The following CYRIA variants were observed in gnomAD, a reference collection of about 807,000 sequenced individuals.
CYRIA encodes the protein CYFIP-related Rac1 interactor A.
A neutral mutation model predicts 43.9 loss-of-function variants in CYRIA; 15 were observed. That is an observed-to-expected ratio of 0.34 (90% confidence interval 0.23 to 0.53). CYRIA has a LOEUF of 0.53. Ranked by LOEUF, CYRIA falls within the 20% of genes least tolerant of loss-of-function variation. The pLI, the probability that CYRIA is intolerant of heterozygous loss-of-function variation, is 0.94. For synonymous variants in CYRIA, 117 were observed against 136.0 expected, an observed-to-expected ratio of 0.86 and a Z score of 0.97; for missense variants, 236 against 394.2, an observed-to-expected ratio of 0.60 and a Z score of 3.40.
rs112768383 is a variant in CYRIA at position 16,639,871 on chromosome 2, C to T, written c.-166-15852G>A. On this transcript the variant is annotated intron_variant, in intron 1 of 11. Transcript: ENST00000381323. ...AGGGAGGAGGGAGAAAAATTACTTT[C>T]GAATGGCTCTGCTGTTCTTTGCCTT... 1.7e-3 allele frequency among the ~76,000 whole-genome samples: 264 copies of T among 152,336 alleles called. 1 individual carries two copies. Among genetic ancestry groups the T allele is most frequent in the African/African-American group, 5.9e-3 (247 of 41,572 alleles).
intron 9 of CYRIA, 148 bp downstream of exon 9, chr2:16,560,842 C>T: frequency 1.4e-6 from 1 of 718,198 alleles, no homozygotes; most frequent in Non-Finnish European, 2.4e-6. Flanking sequence ...ACACCTACCA[C>T]TCAGAGTTCT....
chr2:16,654,729 T>G (rs577173930), intron 1 of CYRIA, among the ~76,000 whole-genome samples: 1 of 152,250 alleles, frequency 6.6e-6, no homozygotes, highest in Admixed American at 6.5e-5. Flanking sequence ...GATGAAAAAA[T>G]GTATACAAAA....
intron 2 of CYRIA, among the ~76,000 whole-genome samples, chr2:16,602,860 T>A (rs1333875866): frequency 3.9e-5 from 6 of 152,150 alleles, no homozygotes; most frequent in African/African-American, 1.2e-4. Context: ...TGCTCCCTAA[T>A]AAGGACACCC....
At position 16,561,472 on chromosome 2, in the gene CYRIA, C is replaced by A; in HGVS notation, c.497G>T (p.Arg166Leu). The A allele has an allele frequency of 6.2e-7, 1 of 1,613,710 alleles. No individual in the cohort carries two copies. Among genetic ancestry groups the A allele is most frequent in the Non-Finnish European group, 8.5e-7 (1 of 1,179,744 alleles). Residue 166 changes from arginine (R) to leucine (L), a missense_variant, in exon 7 of 12, where the codon CGC becomes CTC. Physicochemically the swap from Arg to Leu is moderately radical, Grantham distance 102. Coordinates refer to ENST00000381323, the MANE Select transcript of CYRIA (RefSeq NM_030797.4). The stretch of plus-strand genomic sequence containing the variant: ...GGGACTCACGTGCATGTTGTTGATG[C>A]GGTTGCGACTGATTGTTCTTCTGTA... ...SYYRRTISRN[R>L]INNMHLDIEN... is the part of the protein sequence containing the mutation.
At position 16,550,042 on chromosome 2, in the gene CYRIA, C is replaced by T. The variant is rs568738021; in HGVS notation, c.*2894G>A. ...TCTACTACTAATTCCTAGTGGTGCA[C>T]AACGAGTTTCTGAGAACACAGTAAT... On this transcript the variant is annotated 3_prime_UTR_variant, in exon 12 of 12. Coordinates refer to ENST00000381323, the MANE Select transcript of CYRIA (RefSeq NM_030797.4). The T allele has an allele frequency of 1.3e-5, 2 of 148,254 alleles. No homozygotes were observed. Among genetic ancestry groups the T allele is most frequent in the South Asian group, 4.3e-4 (2 of 4,682 alleles). 9.2% of individuals were successfully genotyped at this position (148,254 alleles called of 1,614,324 possible). A position where few individuals can be genotyped will look rare whatever the true frequency, so the allele number is the denominator to read the frequency against.
At chr2:16,654,969 C>T (rs552828638) in intron 1 of CYRIA, among the ~76,000 whole-genome samples, 1 of 152,310 alleles carries the variant, frequency 6.6e-6, no homozygotes, top group South Asian at 2.1e-4. Flanking sequence ...AATCTATTTC[C>T]TGAATCTGAG....
At chr2:16,575,854 T>A (rs1667323145) in intron 3 of CYRIA, among the ~76,000 whole-genome samples, 1 of 148,978 alleles carries the variant, frequency 6.7e-6, no homozygotes, top group Non-Finnish European at 1.5e-5. Context: ...AGACTCCATC[T>A]CAAAAAAATA....
chr2:16,565,635 C>G lies in CYRIA; in HGVS notation c.192+11G>C. ...TCGGGTGTTGTCAGTTCAGCGTGATCATTGACATACATCTCGGATCTCTGG... is the reference window on the plus strand; with the variant it reads ...TCGGGTGTTGTCAGTTCAGCGTGATGATTGACATACATCTCGGATCTCTGG... On this transcript the variant is annotated intron_variant, in intron 4 of 11. Transcript: ENST00000381323. The G allele has an allele frequency of 2.6e-6, 4 of 1,550,488 alleles. No individual in the cohort carries two copies. The highest frequency in any genetic ancestry group is 3.5e-6 in the Non-Finnish European group (4 of 1,135,432).
intron 5 of CYRIA, 111 bp from the exon 6 acceptor site, chr2:16,562,252 C>T: frequency 8.6e-7 from 1 of 1,167,022 alleles, no homozygotes; most frequent in Non-Finnish European, 1.2e-6. Flanking sequence ...GCTTGAGTCT[C>T]TCCCGATAAC....
intron 2 of CYRIA, among the ~76,000 whole-genome samples, chr2:16,605,708 T>C (rs1039610033): frequency 9.2e-5 from 14 of 152,220 alleles, no homozygotes; most frequent in Non-Finnish European, 1.9e-4. Context: ...TTATCTCAAA[T>C]TTGGGCTGTT....
intron 1 of CYRIA, among the ~76,000 whole-genome samples, chr2:16,654,744 T>C (rs1176778947): frequency 6.6e-6 from 1 of 152,228 alleles, no homozygotes; most frequent in Non-Finnish European, 1.5e-5. Flanking sequence ...ACAAAAATAC[T>C]ATCCAAATAG....
intron 5 of CYRIA, 127 bp from the exon 6 acceptor site, chr2:16,562,268 G>T: frequency 3.9e-6 from 4 of 1,016,608 alleles, no homozygotes; most frequent in Non-Finnish European, 4.2e-6. Flanking sequence ...ATAACTACGT[G>T]AGGTGTGCTG....
intron 11 of CYRIA, among the ~76,000 whole-genome samples, chr2:16,554,288 C>T (rs765994029): frequency 6.6e-6 from 1 of 152,106 alleles, no homozygotes; most frequent in African/African-American, 2.4e-5. Context: ...GGACCATAAA[C>T]CTTCTGGACT....
intron 1 of CYRIA, among the ~76,000 whole-genome samples, chr2:16,643,696 A>T (rs1159004126): frequency 6.6e-6 from 1 of 152,200 alleles, no homozygotes. Flanking sequence ...GCAGGCTTCC[A>T]GGGCCAGGCT....
chr2:16,659,509 C>T (rs551583746), intron 1 of CYRIA, among the ~76,000 whole-genome samples: 5 of 152,322 alleles, frequency 3.3e-5, no homozygotes, highest in South Asian at 2.1e-4. Flanking sequence ...CTCAGGAGAT[C>T]GACAGCTTGT....
chr2:16,617,278 C>G (rs1046984002), intron 2 of CYRIA, among the ~76,000 whole-genome samples: 1 of 152,312 alleles, frequency 6.6e-6, no homozygotes, highest in South Asian at 2.1e-4. Flanking sequence ...TCAGCAGTCA[C>G]GATTCTTCAT....
chr2:16,575,859 A>C (rs1351674707), intron 3 of CYRIA, among the ~76,000 whole-genome samples: 1 of 147,372 alleles, frequency 6.8e-6, no homozygotes, highest in Non-Finnish European at 1.5e-5. Flanking sequence ...CCATCTCAAA[A>C]AAATAAAAAT....
intron 1 of CYRIA, among the ~76,000 whole-genome samples, chr2:16,636,398 T>C: frequency 6.6e-6 from 1 of 152,166 alleles, no homozygotes; most frequent in East Asian, 1.9e-4. Context: ...ATTTCGCCCT[T>C]CCTGGTCTAT....
At chr2:16,648,105 G>A (rs368303037) in intron 1 of CYRIA, among the ~76,000 whole-genome samples, 13 of 152,148 alleles carry the variant, frequency 8.5e-5, no homozygotes, top group East Asian at 5.8e-4. Context: ...ACACAGAAAG[G>A]TTAAGTAATT....
Sources: allele counts gnomAD v4.1 joint callset (sites outside exome capture counted in the v4.1 genomes callset), GRCh38; gene constraint gnomAD v4.1.1; transcripts MANE v1.5; gene names NCBI Gene and HGNC (gene_info 2026-07-23, HGNC 2026-07-21).